PEAR1: variants seen among roughly 807,000 people sequenced by gnomAD.
PEAR1 encodes the protein platelet endothelial aggregation receptor 1.
PEAR1 carries 113 observed loss-of-function variants against 131.2 expected under a neutral mutation model. That is an observed-to-expected ratio of 0.86 (90% CI 0.74 to 1.01). The LOEUF (loss-of-function observed/expected upper bound fraction) is 1.01. Among genes scored for constraint, PEAR1 ranks in the 50% least tolerant of loss-of-function variants. The pLI is 0.00. For missense variants in PEAR1, 1,408 were observed against 1,391.1 expected (o/e 1.01, Z -0.19); for synonymous variants, 565 against 523.3 (o/e 1.08, Z -1.09).
At position 156,904,773 on chromosome 1, in the gene PEAR1, C is replaced by T; in HGVS notation, c.127C>T (p.His43Tyr). 6.2e-7 allele frequency: 1 copy of T among 1,613,094 alleles called. No homozygotes were observed. Among genetic ancestry groups the T allele is most frequent in the African/African-American group, 1.3e-5 (1 of 75,016 alleles). The change falls in exon 3 of 23, where the codon CAC (histidine) becomes TAC (tyrosine). Residue 43 changes from histidine to tyrosine, a missense_variant. Coordinates refer to ENST00000292357, the MANE Select transcript of PEAR1 (RefSeq NM_001080471.3). ...CTTCACTACCACCACCAAGGAGTCCCACTCCCGCCCCTTCAGCCTGCTCCC... is the reference window on the plus strand; with the variant it reads ...CTTCACTACCACCACCAAGGAGTCCTACTCCCGCCCCTTCAGCCTGCTCCC... ...ESFTTTTKES[H>Y]SRPFSLLPSE...
intron 2 of PEAR1, 65 bp from the exon 3 acceptor site, chr1:156,904,683 T>C: frequency 4.7e-6 from 7 of 1,490,902 alleles, no homozygotes; most frequent in Non-Finnish European, 5.4e-6. Context: ...TCATGGCCAT[T>C]TTCCCGTTGT....
In PEAR1 at chr1:156,913,835, C is replaced by T; in HGVS notation, c.2714-17C>T. On this transcript the variant is annotated splice_polypyrimidine_tract_variant and intron_variant, in intron 21 of 22. Transcript: ENST00000292357. ...CCAGTGCCTCCATGCGGCCTGACTT[C>T]TTTCCTCTATCCTTAGGGCTCATCT... 6.2e-7 allele frequency: 1 copy of T among 1,610,960 alleles called. No homozygotes were observed. The highest frequency in any genetic ancestry group is 8.5e-7 in the Non-Finnish European group (1 of 1,177,890).
At chr1:156,901,250 C>T (rs1277660769) in intron 1 of PEAR1, among the ~76,000 whole-genome samples, 4 of 152,198 alleles carry the variant, frequency 2.6e-5, no homozygotes, top group Non-Finnish European at 5.9e-5. Flanking sequence ...TTCCAGCCAG[C>T]TAACCTCCCA....
rs896093940 is a variant in PEAR1, at chr1:156,902,819, TGAGCTCAG to T, written c.-9-1093_-9-1086del. On this transcript the variant is annotated intron_variant, in intron 1 of 22. Coordinates refer to ENST00000292357, the MANE Select transcript of PEAR1 (RefSeq NM_001080471.3). The surrounding 1 kb of genome is among the most constrained non-coding windows in gnomAD (Gnocchi z 4.3). The stretch of plus-strand genomic sequence containing the variant: ...GGCACTGCGGTAACTCATCCTCTCC[TGAGCTCAG>T]GAGCTGAGGCAGCAGAGCCGTCTGA... 6.6e-6 allele frequency among the ~76,000 whole-genome samples: 1 copy of T among 152,190 alleles called. No homozygotes were observed. Among genetic ancestry groups the T allele is most frequent in the Non-Finnish European group, 1.5e-5 (1 of 68,004 alleles).
At chr1:156,904,121 T>A in intron 2 of PEAR1, 94 bp downstream of exon 2, 2 of 986,458 alleles carry the variant, frequency 2.0e-6, no homozygotes, top group Non-Finnish European at 3.2e-6. Context: ...GGTCCTTCCT[T>A]AATCTCCTTC....
chr1:156,904,680 C>T, intron 2 of PEAR1, 68 bp from the exon 3 acceptor site: 1 of 1,477,640 alleles, frequency 6.8e-7, no homozygotes, highest in African/African-American at 1.4e-5. Flanking sequence ...CCCTCATGGC[C>T]ATTTTCCCGT....
Position 156,907,413 on chromosome 1 carries a change from C to G in PEAR1, c.645-197C>G, listed in dbSNP as rs532354997. ...CCACCCGTGGCTCTTTGCTCACCCC[C>G]ACCTGCCGGTGCCAGGGTGTCCCTG... is the stretch of plus-strand genomic sequence containing the variant. On this transcript the variant is annotated intron_variant, in intron 6 of 22. Coordinates refer to ENST00000292357, the MANE Select transcript of PEAR1 (RefSeq NM_001080471.3). Among the ~76,000 whole-genome samples, 11 of 152,148 alleles carry G rather than the reference C, an allele frequency of 7.2e-5. No homozygotes were observed. The South Asian group carries it at 2.3e-3, about 32-fold the overall frequency.
chr1:156,913,293 G>A lies in PEAR1; in HGVS notation c.2511+11G>A. On this transcript the variant is annotated intron_variant, in intron 19 of 22. Transcript: ENST00000292357. Reference sequence around the variant, plus strand: ...CCACCCCCTAACAAGGTCAGTGCCGGGGGAGGGGGTGCACTGTGGAGGGAA... The same window carrying A: ...CCACCCCCTAACAAGGTCAGTGCCGAGGGAGGGGGTGCACTGTGGAGGGAA... The A allele has an allele frequency of 6.2e-7, 1 of 1,602,462 alleles. No individual in the cohort carries two copies. Among genetic ancestry groups the A allele is most frequent in the Non-Finnish European group, 8.5e-7 (1 of 1,173,858 alleles).
In PEAR1 at chr1:156,914,107, C is replaced by T; in HGVS notation, c.2962+7C>T. 6.3e-7 allele frequency: 1 copy of T among 1,579,470 alleles called. No homozygotes were observed. The highest frequency in any genetic ancestry group is 8.6e-7 in the Non-Finnish European group (1 of 1,161,564). The stretch of plus-strand genomic sequence containing the variant: ...CCCAGCCCCCTGATCCATGGTGAGC[C>T]CTCCCTCTCCACTGGCAGGAGCAGC... On this transcript the variant is annotated splice_region_variant and intron_variant, in intron 22 of 22. Coordinates refer to ENST00000292357, the MANE Select transcript of PEAR1 (RefSeq NM_001080471.3).
chr1:156,899,845 G>A (rs373233515), intron 1 of PEAR1, among the ~76,000 whole-genome samples: 68 of 152,268 alleles, frequency 4.5e-4, no homozygotes, highest in South Asian at 1.4e-3. Flanking sequence ...GAGGTGAGGG[G>A]TTATCCTATG....
In PEAR1 at chr1:156,904,735, C is replaced by G; in HGVS notation, c.102-13C>G. On this transcript the variant is annotated splice_polypyrimidine_tract_variant and intron_variant, in intron 2 of 22. Transcript: ENST00000292357. The stretch of plus-strand genomic sequence containing the variant: ...TCCTGCCCTCGGCCCTGACCCTGTT[C>G]CCTGTCTTGCAGCTTCACTACCACC... The G allele has an allele frequency of 1.2e-6, 2 of 1,605,738 alleles. No individual in the cohort carries two copies.
intron 11 of PEAR1, 141 bp downstream of exon 11, chr1:156,909,177 G>A: frequency 2.7e-6 from 3 of 1,130,058 alleles, no homozygotes; most frequent in Non-Finnish European, 3.8e-6. Flanking sequence ...CACAGGGAAA[G>A]TATCCAGGCT....
Position 156,912,899 on chromosome 1 carries a change from A to G in PEAR1, c.2339A>G (p.His780Arg). Residue 780 changes from histidine (H) to arginine (R), a missense_variant, in exon 18 of 23, where the codon CAC (histidine) becomes CGC (arginine). Transcript: ENST00000292357. ...ALVALFIGYR[H>R]WQKGKEHHHL... ...GTGGCACTGTTCATTGGCTATCGGC[A>G]CTGGCAAAAAGGCAAGGAGCACCAC... 1 of 1,614,262 alleles carries G rather than the reference A, an allele frequency of 6.2e-7. No individual in the cohort carries two copies. Among genetic ancestry groups the G allele is most frequent in the Non-Finnish European group, 8.5e-7 (1 of 1,180,048 alleles).
At position 156,914,836 on chromosome 1, in the gene PEAR1, C is replaced by T. The variant is rs200881526; in HGVS notation, c.*38C>T. 4.8e-5 allele frequency: 77 copies of T among 1,608,720 alleles called. No homozygotes were observed. In the Middle Eastern group the frequency reaches 1.5e-3, roughly 31 times the overall value. On this transcript the variant is annotated 3_prime_UTR_variant, in exon 23 of 23. Coordinates refer to ENST00000292357, the MANE Select transcript of PEAR1 (RefSeq NM_001080471.3). The stretch of plus-strand genomic sequence containing the variant: ...GTATGGCAGAGGCCAGCACACCTGG[C>T]TGTTGCTGCTCAAGGCTGGGGACAG...
Position 156,906,898 on chromosome 1 carries a change from C to T in PEAR1, c.644+18C>T, listed in dbSNP as rs374734931. Reference sequence around the variant, plus strand: ...GGGCCCAGGTATGTAATGGGGGGAACGACACTTTAACAAGATCGCAGACAC... The same window carrying T: ...GGGCCCAGGTATGTAATGGGGGGAATGACACTTTAACAAGATCGCAGACAC... On this transcript the variant is annotated intron_variant, in intron 6 of 22. Coordinates refer to ENST00000292357, the MANE Select transcript of PEAR1 (RefSeq NM_001080471.3). 116 of 1,610,526 alleles carry T rather than the reference C, an allele frequency of 7.2e-5. No individual in the cohort carries two copies. Among genetic ancestry groups the T allele is most frequent in the Middle Eastern group, 1.7e-4 (1 of 6,034 alleles).
At position 156,906,880 on chromosome 1, in the gene PEAR1, G is replaced by C. The variant is rs1218458685; in HGVS notation, c.644G>C (p.Ser215Thr). ...CFCPAERTGP[S>T]CDVSCSQGTS... ...TGCCCCGCAGAGAGAACTGGGCCCAGGTATGTAATGGGGGGAACGACACTT... is the reference window on the plus strand; with the variant it reads ...TGCCCCGCAGAGAGAACTGGGCCCACGTATGTAATGGGGGGAACGACACTT... Residue 215 changes from serine to threonine, a missense_variant and splice_region_variant, in exon 6 of 23, where the codon AGC becomes ACC. Transcript: ENST00000292357. 3.1e-6 allele frequency: 5 copies of C among 1,613,510 alleles called. No individual in the cohort carries two copies. Among genetic ancestry groups the C allele is most frequent in the African/African-American group, 1.3e-5 (1 of 74,918 alleles).
intron 6 of PEAR1, 55 bp downstream of exon 6, chr1:156,906,935 G>A: frequency 6.4e-7 from 1 of 1,559,548 alleles, no homozygotes; most frequent in Non-Finnish European, 8.7e-7. Context: ...AGGCCACACA[G>A]ATCTATGTGG....
At position 156,908,577 on chromosome 1, in the gene PEAR1, T is replaced by G; in HGVS notation, c.1116-78T>G. 1 of 1,375,158 alleles carries G rather than the reference T, an allele frequency of 7.3e-7. No homozygotes were observed. The highest frequency in any genetic ancestry group is 2.6e-5 in the Admixed American group (1 of 38,894). 85.2% of individuals were successfully genotyped at this position (1,375,158 alleles called of 1,614,324 possible). A position where few individuals can be genotyped will look rare whatever the true frequency, so the allele number is the denominator to read the frequency against. ...TACCCCAGCGATGTGCGAATCCCAC[T>G]GACCACGCGGAGGGGTCGGGAAGCT... On this transcript the variant is annotated intron_variant, in intron 9 of 22. Coordinates refer to ENST00000292357, the MANE Select transcript of PEAR1 (RefSeq NM_001080471.3). This position sits in a 1 kb window ranked among gnomAD's most constrained non-coding sequence, Gnocchi z 4.2.
intron 22 of PEAR1, 41 bp from the exon 23 acceptor site, chr1:156,914,606 G>T (rs1651680498): frequency 4.4e-6 from 7 of 1,575,898 alleles, no homozygotes; most frequent in Non-Finnish European, 6.0e-6. Flanking sequence ...GGAGAGTGGT[G>T]GGAGGAGCCA....
Sources: gnomAD v4.1 joint callset for allele counts (sites outside exome capture counted in the v4.1 genomes callset) on GRCh38, gnomAD v4.1.1 for gene constraint, Gnocchi (gnomAD v3.1) non-coding constraint, MANE v1.5 for transcripts, NCBI Gene and HGNC (gene_info 2026-07-23, HGNC 2026-07-21) for gene names.